CENPP: variants seen among roughly 807,000 people sequenced by gnomAD.
CENPP encodes the protein centromere protein P.
Under a neutral mutation model 35.6 loss-of-function variants are expected in CENPP, and 24 were observed. That is an observed-to-expected ratio of 0.67 (90% CI 0.49 to 0.95). The LOEUF (loss-of-function observed/expected upper bound fraction) is 0.95. Among genes scored for constraint, CENPP ranks in the 40% least tolerant of loss-of-function variants. The pLI, the probability that CENPP is intolerant of heterozygous loss-of-function variation, is 0.00. For missense variants in CENPP, 332 were observed against 345.3 expected (o/e 0.96, Z 0.31); for synonymous variants, 120 against 125.5 (o/e 0.96, Z 0.29).
intron 5 of CENPP, among the ~76,000 whole-genome samples, chr9:92,411,161 A>G (rs1391986308): frequency 2.0e-5 from 3 of 151,914 alleles, no homozygotes; most frequent in Non-Finnish European, 4.4e-5. Context: ...TTTAGTAGAG[A>G]CGGGGTTTCA....
intron 5 of CENPP, among the ~76,000 whole-genome samples, chr9:92,604,406 G>C (rs944290246): frequency 3.3e-5 from 5 of 152,106 alleles, no homozygotes; most frequent in Non-Finnish European, 7.4e-5. Context: ...TCTTTTTACT[G>C]AGTTGTGTCC....
Position 92,618,669 on chromosome 9 carries a change from A to G in CENPP, c.*5520A>G. 2.4e-6 allele frequency: 1 copy of G among 419,496 alleles called. No individual in the cohort carries two copies. Among genetic ancestry groups the G allele is most frequent in the Admixed American group, 2.6e-5 (1 of 38,682 alleles). 26.0% of individuals were successfully genotyped at this position (419,496 alleles called of 1,614,324 possible). On this transcript the variant is annotated 3_prime_UTR_variant, in exon 8 of 8. Coordinates refer to ENST00000375587, the MANE Select transcript of CENPP (RefSeq NM_001012267.3). ...ACAGGAGTTTTCAACTAAATAGAAC[A>G]ACCTTTTTTCTACTTCAGTTAGCCC...
intron 5 of CENPP, among the ~76,000 whole-genome samples, chr9:92,533,871 G>A (rs1849009039): frequency 6.6e-6 from 1 of 151,884 alleles, no homozygotes; most frequent in South Asian, 2.1e-4. Context: ...AATTTGACTT[G>A]AATCTGATTC....
At chr9:92,578,096 A>AATTTT (rs1199451641) in intron 5 of CENPP, among the ~76,000 whole-genome samples, 1 of 151,780 alleles carries the variant, frequency 6.6e-6, no homozygotes. Context: ...GATTATTTCC[A>AATTTT]ATTTTATCCA....
At chr9:92,610,342 C>T (rs1043025159) in intron 5 of CENPP, among the ~76,000 whole-genome samples, 32 of 152,302 alleles carry the variant, frequency 2.1e-4, no homozygotes, top group African/African-American at 7.0e-4. Context: ...GCATGAGCCA[C>T]TGCACCTGGC....
chr9:92,612,689 G>C (rs1399754724), intron 7 of CENPP, 75 bp downstream of exon 7: 2 of 1,057,584 alleles, frequency 1.9e-6, no homozygotes, highest in Non-Finnish European at 2.9e-6. Context: ...TTTCCTCTGG[G>C]TTTCAAAGGG....
At chr9:92,438,253 G>T (rs981814878) in intron 5 of CENPP, among the ~76,000 whole-genome samples, 1 of 152,038 alleles carries the variant, frequency 6.6e-6, no homozygotes, top group Non-Finnish European at 1.5e-5. Context: ...GATCTGTTTT[G>T]ATTTAATTTT....
chr9:92,584,596 C>T (rs1850500437), intron 5 of CENPP, among the ~76,000 whole-genome samples: 1 of 152,176 alleles, frequency 6.6e-6, no homozygotes, highest in South Asian at 2.1e-4. Context: ...CCACCTCAGC[C>T]TCCCAAAGTG....
chr9:92,354,152 G>A (rs998778949), intron 4 of CENPP, among the ~76,000 whole-genome samples: 11 of 152,194 alleles, frequency 7.2e-5, no homozygotes, highest in African/African-American at 2.2e-4. Flanking sequence ...GTGAGTCCAC[G>A]ATGGTAGTCT....
chr9:92,554,103 A>T (rs1307648867), intron 5 of CENPP, among the ~76,000 whole-genome samples: 1 of 152,124 alleles, frequency 6.6e-6, no homozygotes, highest in African/African-American at 2.4e-5. Context: ...TTTTGTTGAG[A>T]GTTTTAATCG....
intron 5 of CENPP, among the ~76,000 whole-genome samples, chr9:92,423,414 C>G (rs1401923518): frequency 6.6e-6 from 1 of 151,972 alleles, no homozygotes; most frequent in African/African-American, 2.4e-5. Context: ...TTTACTTGTT[C>G]AGGAAAAGTT....
chr9:92,574,024 A>C (rs1464972117), intron 5 of CENPP, among the ~76,000 whole-genome samples: 1 of 152,138 alleles, frequency 6.6e-6, no homozygotes, highest in African/African-American at 2.4e-5. Flanking sequence ...AGGAAAGGGA[A>C]TTCCTTGACC....
chr9:92,469,514 C>G (rs568396923), intron 5 of CENPP, among the ~76,000 whole-genome samples: 2 of 152,328 alleles, frequency 1.3e-5, no homozygotes, highest in African/African-American at 4.8e-5. Context: ...CCCCACATCT[C>G]TCAGACACAG....
intron 5 of CENPP, among the ~76,000 whole-genome samples, chr9:92,498,803 A>C (rs879600902): frequency 6.6e-6 from 1 of 152,236 alleles, no homozygotes; most frequent in South Asian, 2.1e-4. Context: ...AGATCATCCA[A>C]GTTAATATTG....
intron 5 of CENPP, among the ~76,000 whole-genome samples, chr9:92,387,118 A>T (rs565848004): frequency 6.6e-6 from 1 of 151,624 alleles, no homozygotes; most frequent in Non-Finnish European, 1.5e-5. Context: ...CACGCCTGTA[A>T]TCCCAGTACT....
chr9:92,512,070 T>C (rs762833336), intron 5 of CENPP: 84 of 1,613,796 alleles, frequency 5.2e-5, no homozygotes, highest in Non-Finnish European at 6.9e-5. Flanking sequence ...AGATCAAGCC[T>C]TTCCAAATTT....
intron 5 of CENPP, among the ~76,000 whole-genome samples, chr9:92,518,393 C>T (rs946947457): frequency 3.3e-5 from 5 of 152,076 alleles, no homozygotes; most frequent in East Asian, 3.9e-4. Flanking sequence ...CTTCCCAAGC[C>T]GCCAGCCAAT....
At chr9:92,437,852 C>T (rs1844285999) in intron 5 of CENPP, among the ~76,000 whole-genome samples, 1 of 151,806 alleles carries the variant, frequency 6.6e-6, no homozygotes, top group African/African-American at 2.4e-5. Context: ...TTTAACCTTC[C>T]AGGCTCAAGT....
chr9:92,433,433 T>A (rs78259969), intron 5 of CENPP, among the ~76,000 whole-genome samples: 4,703 of 152,296 alleles, frequency 0.031, 113 homozygotes, highest in South Asian at 0.084. Flanking sequence ...TCTCCCTAAT[T>A]ACATTTGAGT....
Sources: allele counts gnomAD v4.1 joint callset (sites outside exome capture counted in the v4.1 genomes callset), GRCh38; gene constraint gnomAD v4.1.1; transcripts MANE v1.5; gene names NCBI Gene and HGNC (gene_info 2026-07-23, HGNC 2026-07-21).